The following TESC variants were observed in gnomAD, a reference collection of about 807,000 sequenced individuals.
The protein encoded by TESC is tescalcin, also known as calcineurin B homologous protein 3.
Under a neutral mutation model 31.0 loss-of-function variants are expected in TESC, and 19 were observed. That is an observed-to-expected ratio of 0.61 (90% CI 0.43 to 0.90). TESC has a LOEUF of 0.90. Among genes scored for constraint, TESC ranks in the 40% least tolerant of loss-of-function variants. The pLI is 0.00. For missense variants in TESC, 248 were observed against 303.8 expected, an observed-to-expected ratio of 0.82 and a Z score of 1.36; for synonymous variants, 109 against 114.8, an observed-to-expected ratio of 0.95 and a Z score of 0.32.
Position 117,093,197 on chromosome 12 carries a change from C to T in TESC, c.58+6028G>A, listed in dbSNP as rs559595131. Among the ~76,000 whole-genome samples the T allele has an allele frequency of 1.1e-3, 169 of 152,252 alleles. 1 individual carries two copies. Among genetic ancestry groups the T allele is most frequent in the African/African-American group, 3.9e-3 (163 of 41,550 alleles). ...CCCTGAGCTTCTGGAGGGCAGGGAC[C>T]GCATCTGGTCCACCCTGGTAGCAGA... On this transcript the variant is annotated intron_variant, in intron 1 of 7. Coordinates refer to ENST00000335209, the MANE Select transcript of TESC (RefSeq NM_017899.4).
chr12:117,095,825 A>G (rs1955385763), intron 1 of TESC, among the ~76,000 whole-genome samples: 3 of 152,136 alleles, frequency 2.0e-5, no homozygotes, highest in Admixed American at 2.0e-4. Flanking sequence ...GGTTGCAGTG[A>G]GCTTGATCAT....
intron 7 of TESC, among the ~76,000 whole-genome samples, chr12:117,039,599 G>A (rs549251074): frequency 1.3e-5 from 2 of 152,150 alleles, no homozygotes; most frequent in African/African-American, 2.4e-5. Flanking sequence ...TTCACAGAAC[G>A]TTGGGGGCTC....
chr12:117,070,358 T>C (rs1201206111), intron 2 of TESC, among the ~76,000 whole-genome samples: 1 of 152,128 alleles, frequency 6.6e-6, no homozygotes, highest in East Asian at 1.9e-4. Context: ...TCTGGGAGGC[T>C]GGAAGGAGGC....
intron 1 of TESC, among the ~76,000 whole-genome samples, chr12:117,089,806 TAAAGAG>T (rs1201390498): frequency 3.3e-5 from 5 of 151,968 alleles, no homozygotes; most frequent in Non-Finnish European, 5.9e-5. Flanking sequence ...ATGAAGAAGA[TAAAGAG>T]AAAGGGGAGA....
At chr12:117,075,897 A>ATG (rs1565971545) in intron 1 of TESC, among the ~76,000 whole-genome samples, 2 of 66,396 alleles carry the variant, frequency 3.0e-5, no homozygotes, top group African/African-American at 1.7e-4. Flanking sequence ...ATATATATAT[A>ATG]TATATATATA....
At chr12:117,082,418 C>T (rs1396706397) in intron 1 of TESC, among the ~76,000 whole-genome samples, 1 of 151,608 alleles carries the variant, frequency 6.6e-6, no homozygotes, top group Non-Finnish European at 1.5e-5. Context: ...GCAGAAGAAT[C>T]GCTTGAACCT....
chr12:117,080,057 C>A lies in TESC; in HGVS notation c.59-4717G>T, dbSNP rs569855866. ...GTTCTGTTAGGTAGGTATGATTCTA[C>A]GCCCATTCTAGAGATGAGAACTCTG... On this transcript the variant is annotated intron_variant, in intron 1 of 7. Coordinates refer to ENST00000335209, the MANE Select transcript of TESC (RefSeq NM_017899.4). Among the ~76,000 whole-genome samples the A allele has an allele frequency of 6.5e-4, 99 of 152,230 alleles. 1 individual carries two copies. The highest frequency in any genetic ancestry group is 3.4e-3 in the Middle Eastern group (1 of 294).
intron 4 of TESC, 69 bp downstream of exon 4, chr12:117,048,950 G>T: frequency 6.2e-7 from 1 of 1,608,516 alleles, no homozygotes. Flanking sequence ...GAGGCGCCTT[G>T]CGTTCTGAGG....
intron 2 of TESC, among the ~76,000 whole-genome samples, chr12:117,073,412 C>T (rs1955003962): frequency 6.6e-6 from 1 of 152,092 alleles, no homozygotes; most frequent in African/African-American, 2.4e-5. Context: ...GTCTTTAAGT[C>T]GGCCTTGGAT....
Position 117,075,911 on chromosome 12 carries a change from A to ATGTG in TESC, c.59-572_59-571insCACA, listed in dbSNP as rs1254921026. 3.6e-3 allele frequency among the ~76,000 whole-genome samples: 212 copies of ATGTG among 59,030 alleles called. 5 individuals are homozygous for ATGTG. Among genetic ancestry groups the ATGTG allele is most frequent in the African/African-American group, 0.011 (105 of 9,320 alleles). 38.7% of individuals were successfully genotyped at this position (59,030 alleles called of 152,430 possible). ...TATATATATATATATATATATATAT[A>ATGTG]TATGTGTGTGTGTATATATATATAT... On this transcript the variant is annotated intron_variant, in intron 1 of 7. Transcript: ENST00000335209.
At chr12:117,056,636 G>C (rs1030673463) in intron 3 of TESC, among the ~76,000 whole-genome samples, 170 bp downstream of exon 3, 2 of 152,206 alleles carry the variant, frequency 1.3e-5, no homozygotes, top group African/African-American at 4.8e-5. Flanking sequence ...CAGTCGCCCA[G>C]CTATGAATCC....
chr12:117,075,121 GGGCGA>G (rs1404478929), intron 2 of TESC, 145 bp downstream of exon 2: 1 of 766,008 alleles, frequency 1.3e-6, no homozygotes, highest in Non-Finnish European at 2.0e-6. Flanking sequence ...ACTCCAGCCT[GGGCGA>G]CGGAGCGAGA....
intron 1 of TESC, among the ~76,000 whole-genome samples, chr12:117,083,773 T>A (rs1955180105): frequency 6.6e-6 from 1 of 152,108 alleles, no homozygotes; most frequent in South Asian, 2.1e-4. Flanking sequence ...CCAGTGGGTA[T>A]CCTTTTGGGG....
At chr12:117,049,416 T>C (rs974878295) in intron 3 of TESC, among the ~76,000 whole-genome samples, 1 of 152,194 alleles carries the variant, frequency 6.6e-6, no homozygotes, top group Non-Finnish European at 1.5e-5. Flanking sequence ...TGCGTGACCG[T>C]TGATTCAGGC....
chr12:117,070,045 C>A (rs117955377), intron 2 of TESC, among the ~76,000 whole-genome samples: 1 of 152,188 alleles, frequency 6.6e-6, no homozygotes, highest in Non-Finnish European at 1.5e-5. Flanking sequence ...CCCCAATCAA[C>A]GCCATTTTCA....
Position 117,057,035 on chromosome 12 carries a change from C to T in TESC, c.129-149G>A, listed in dbSNP as rs139087950. 253 of 736,752 alleles carry T rather than the reference C, an allele frequency of 3.4e-4. No homozygotes were observed. In the African/African-American group the frequency reaches 3.7e-3, roughly 11 times the overall value. 45.6% of individuals were successfully genotyped at this position (736,752 alleles called of 1,614,324 possible). On this transcript the variant is annotated intron_variant, in intron 2 of 7. Transcript: ENST00000335209. ...AGAGTTAGGAGACAGAACTGGAATA[C>T]GCTTCACTTATCTGCCCCTTCCTCT...
At chr12:117,094,054 C>T (rs1168912024) in intron 1 of TESC, among the ~76,000 whole-genome samples, 1 of 152,172 alleles carries the variant, frequency 6.6e-6, no homozygotes, top group African/African-American at 2.4e-5. Context: ...CCTCGGTCCA[C>T]ACACCAGACA....
chr12:117,078,756 ATTAT>A (rs1392930447), intron 1 of TESC, among the ~76,000 whole-genome samples: 1 of 152,186 alleles, frequency 6.6e-6, no homozygotes, highest in African/African-American at 2.4e-5. Flanking sequence ...AATAATAATA[ATTAT>A]TTCTCATCTC....
chr12:117,039,295 C>T (rs949136666), intron 7 of TESC, 85 bp from the exon 8 acceptor site: 27 of 1,280,422 alleles, frequency 2.1e-5, no homozygotes, highest in Non-Finnish European at 2.9e-5. Context: ...GCCCTTCCCA[C>T]CTACCGTCTC....
Sources: gnomAD v4.1 joint callset for allele counts (sites outside exome capture counted in the v4.1 genomes callset) on GRCh38, gnomAD v4.1.1 for gene constraint, MANE v1.5 for transcripts, NCBI Gene and HGNC (gene_info 2026-07-23, HGNC 2026-07-21) for gene names.